Variants in EYA2 observed in about 807,000 individuals in gnomAD.
EYA2 encodes protein phosphatase EYA2.
EYA2 carries 31 observed loss-of-function variants against 69.2 expected under a neutral mutation model. The ratio of observed to expected loss-of-function variants is 0.45; its 90% CI spans 0.34 to 0.60. The LOEUF is 0.60. Among genes scored for constraint, EYA2 ranks in the 20% least tolerant of loss-of-function variants. The pLI, the probability that EYA2 is intolerant of heterozygous loss-of-function variation, is 0.02. For missense variants in EYA2, 622 were observed against 701.2 expected, an observed-to-expected ratio of 0.89 and a Z score of 1.28; for synonymous variants, 257 against 279.4, an observed-to-expected ratio of 0.92 and a Z score of 0.80.
intron 1 of EYA2, among the ~76,000 whole-genome samples, chr20:46,937,748 G>A (rs374419038): frequency 2.0e-5 from 3 of 149,560 alleles, no homozygotes; most frequent in Non-Finnish European, 3.0e-5. Flanking sequence ...AGACCTTTCC[G>A]GCCACATTAG....
At chr20:46,980,630 A>G (rs1049554023) in intron 1 of EYA2, among the ~76,000 whole-genome samples, 3 of 152,190 alleles carry the variant, frequency 2.0e-5, no homozygotes, top group African/African-American at 4.8e-5. Context: ...AAATTACTCT[A>G]TACTCTGGCT....
rs11480840 is a variant in EYA2 at position 46,980,447 on chromosome 20, AT to A, written c.-10-9546del. On this transcript the variant is annotated intron_variant, in intron 1 of 15. Coordinates refer to ENST00000327619, the MANE Select transcript of EYA2 (RefSeq NM_005244.5). ...AAGACAAAAAACTCGCTGTGCTGAA[AT>A]TTTTTTTACAATTTTGTTTAGTTTT... Among the ~76,000 whole-genome samples the A allele has an allele frequency of 1.2e-4, 18 of 152,102 alleles. No homozygotes were observed. The South Asian group carries it at 2.5e-3, about 21-fold the overall frequency.
chr20:46,989,119 T>G (rs1406427449), intron 1 of EYA2, among the ~76,000 whole-genome samples: 2 of 152,012 alleles, frequency 1.3e-5, no homozygotes, highest in Admixed American at 1.3e-4. Context: ...CCGCCCCCCA[T>G]AACATATTAT....
At chr20:47,040,121 A>G (rs895726313) in intron 5 of EYA2, among the ~76,000 whole-genome samples, 1 of 152,118 alleles carries the variant, frequency 6.6e-6, no homozygotes, top group East Asian at 1.9e-4. Flanking sequence ...GATTACAGGC[A>G]TGAGCCACCG....
chr20:47,118,756 A>G (rs73913805), intron 9 of EYA2, among the ~76,000 whole-genome samples: 1,943 of 152,276 alleles, frequency 0.013, 42 homozygotes, highest in African/African-American at 0.043. Flanking sequence ...GAATCACTCA[A>G]CTTGGGTTGA....
chr20:47,180,836 G>C lies in EYA2; in HGVS notation c.1335G>C (p.Leu445=), dbSNP rs779214629. 2 of 1,614,174 alleles carry C rather than the reference G, an allele frequency of 1.2e-6. No homozygotes were observed. Among genetic ancestry groups the C allele is most frequent in the Admixed American group, 1.7e-5 (1 of 60,016 alleles). ...TTAGGCCCAACTGTGTCAATGTGCT[G>C]GTCACCACCACTCAACTAATTCCTG... ...INSRPNCVNV[L]VTTTQLIPAL... is the part of the protein sequence containing the mutation. Residue 445 remains leucine, a synonymous_variant, in exon 14 of 16, where the codon CTG becomes CTC. Coordinates refer to ENST00000327619, the MANE Select transcript of EYA2 (RefSeq NM_005244.5).
chr20:47,122,171 C>G (rs2033063929), intron 9 of EYA2, among the ~76,000 whole-genome samples: 1 of 151,998 alleles, frequency 6.6e-6, no homozygotes, highest in African/African-American at 2.4e-5. Context: ...CTCAGGTGTT[C>G]AGTTTGCCAC....
intron 9 of EYA2, among the ~76,000 whole-genome samples, chr20:47,124,342 A>G (rs1437755155): frequency 6.6e-6 from 1 of 152,168 alleles, no homozygotes; most frequent in Non-Finnish European, 1.5e-5. Flanking sequence ...TTTTTCTAAG[A>G]TGGAGTCACT....
chr20:47,090,618 A>T (rs939292138), intron 8 of EYA2, among the ~76,000 whole-genome samples: 2 of 152,160 alleles, frequency 1.3e-5, no homozygotes, highest in Non-Finnish European at 2.9e-5. Context: ...GATGATAATC[A>T]TCATGAAACA....
At chr20:47,161,583 C>T (rs1208291409) in intron 10 of EYA2, 5 of 316,556 alleles carry the variant, frequency 1.6e-5, no homozygotes, top group East Asian at 1.1e-4. Flanking sequence ...GTGAGCTCCT[C>T]GGCCTTGGCC....
chr20:47,107,743 AAGAG>A (rs1246074678), intron 9 of EYA2, among the ~76,000 whole-genome samples: 2 of 147,568 alleles, frequency 1.4e-5, no homozygotes, highest in African/African-American at 4.9e-5. Context: ...GAAAAAGAAG[AAGAG>A]AGAAGGAAAA....
At chr20:47,104,167 T>C (rs1247656050) in intron 9 of EYA2, among the ~76,000 whole-genome samples, 1 of 152,236 alleles carries the variant, frequency 6.6e-6, no homozygotes. Flanking sequence ...GTGGGTTTGA[T>C]TGGCATTTCC....
At chr20:46,910,389 A>G (rs547373737) in intron 1 of EYA2, among the ~76,000 whole-genome samples, 1 of 152,316 alleles carries the variant, frequency 6.6e-6, no homozygotes, top group African/African-American at 2.4e-5. Context: ...CCCTTGATCC[A>G]ATCACCTCCT....
chr20:47,066,359 A>G (rs1209278983), intron 5 of EYA2, among the ~76,000 whole-genome samples: 1 of 152,180 alleles, frequency 6.6e-6, no homozygotes, highest in Non-Finnish European at 1.5e-5. Context: ...TTACTGAGTC[A>G]GGCACTGGAG....
At chr20:46,971,008 A>G (rs1980108688) in intron 1 of EYA2, among the ~76,000 whole-genome samples, 1 of 151,990 alleles carries the variant, frequency 6.6e-6, no homozygotes, top group South Asian at 2.1e-4. Context: ...GGGCTGTGTG[A>G]TGAGTTTAGG....
chr20:47,000,829 T>G (rs1276669399), intron 2 of EYA2, among the ~76,000 whole-genome samples: 3 of 152,050 alleles, frequency 2.0e-5, no homozygotes, highest in Admixed American at 1.3e-4. Flanking sequence ...ATCGAAGTGG[T>G]TCCTTCCCCT....
At chr20:47,175,561 C>T (rs562758467) in intron 12 of EYA2, among the ~76,000 whole-genome samples, 9 of 152,240 alleles carry the variant, frequency 5.9e-5, no homozygotes, top group African/African-American at 2.2e-4. Flanking sequence ...TGAATTCACA[C>T]AGGAAAGGTG....
chr20:46,916,372 C>CAAGT (rs1984903874), intron 1 of EYA2, among the ~76,000 whole-genome samples: 2 of 152,024 alleles, frequency 1.3e-5, no homozygotes, highest in Admixed American at 6.6e-5. Context: ...TGTGCATGGA[C>CAAGT]AAGTATGCTG....
intron 5 of EYA2, among the ~76,000 whole-genome samples, chr20:47,044,981 G>A (rs2146422779): frequency 6.6e-6 from 1 of 152,290 alleles, no homozygotes; most frequent in South Asian, 2.1e-4. Context: ...TGAAGGAAGA[G>A]TACAAGGGGC....
Sources: allele counts gnomAD v4.1 joint callset (sites outside exome capture counted in the v4.1 genomes callset), GRCh38; gene constraint gnomAD v4.1.1; transcripts MANE v1.5; gene names NCBI Gene and HGNC (gene_info 2026-07-23, HGNC 2026-07-21).